Variants in ALB observed in about 807,000 individuals in gnomAD.
The protein encoded by ALB is serum albumin.
In ALB, 37 loss-of-function variants were observed where a neutral mutation model predicts 74.5. That is an observed-to-expected ratio of 0.50 (90% CI 0.38 to 0.65). The LOEUF (loss-of-function observed/expected upper bound fraction) is 0.65. ALB is among the 30% of genes least tolerant of loss of function. The pLI, the probability that ALB is intolerant of heterozygous loss-of-function variation, is 0.00. For missense variants in ALB, 685 were observed against 718.7 expected (o/e 0.95, Z 0.54); for synonymous variants, 249 against 251.6 (o/e 0.99, Z 0.10).
chr4:73,417,873 G>T, intron 11 of ALB: 1 of 696,390 alleles, frequency 1.4e-6, no homozygotes, highest in South Asian at 2.0e-5. Flanking sequence ...TTTTGAGACG[G>T]AGTCTCGCTT....
At chr4:73,406,163 G>GTC (rs1280544233) in intron 2 of ALB, among the ~76,000 whole-genome samples, 1 of 152,156 alleles carries the variant, frequency 6.6e-6, no homozygotes, top group African/African-American at 2.4e-5. Context: ...GGAGGCTGAC[G>GTC]TAGGAGGATC....
At chr4:73,407,143 G>T (rs1234557360) in intron 3 of ALB, among the ~76,000 whole-genome samples, 3 of 151,930 alleles carry the variant, frequency 2.0e-5, no homozygotes, top group Admixed American at 6.6e-5. Flanking sequence ...CTTAACATGA[G>T]ATCTACCCTG....
chr4:73,410,926 T>C (rs1718859268), intron 6 of ALB, among the ~76,000 whole-genome samples: 1 of 152,176 alleles, frequency 6.6e-6, no homozygotes, highest in Non-Finnish European at 1.5e-5. Flanking sequence ...ATAGTTAAAT[T>C]CAGTCACCAA....
At chr4:73,415,646 T>G (rs1016590474) in intron 9 of ALB, among the ~76,000 whole-genome samples, 4 of 152,096 alleles carry the variant, frequency 2.6e-5, no homozygotes, top group Non-Finnish European at 5.9e-5. Flanking sequence ...TCTGGAGGAT[T>G]TTTAGGGTTC....
At chr4:73,417,772 T>G (rs917107785) in intron 11 of ALB, 103 bp downstream of exon 11, 166 of 1,113,074 alleles carry the variant, frequency 1.5e-4, no homozygotes, top group Non-Finnish European at 2.5e-5. Context: ...TGTGTGTGTG[T>G]GCATGTTTGT....
intron 10 of ALB, 98 bp from the exon 11 acceptor site, chr4:73,417,433 G>A: frequency 1.4e-6 from 2 of 1,437,830 alleles, no homozygotes; most frequent in Non-Finnish European, 2.0e-6. Flanking sequence ...ATGGAACATA[G>A]CAACATCTTA....
In ALB at chr4:73,419,540, G is replaced by A. The variant is rs763089357; in HGVS notation, c.1686G>A (p.Lys562=). The A allele has an allele frequency of 6.2e-7, 1 of 1,613,330 alleles. No individual in the cohort carries two copies. Among genetic ancestry groups the A allele is most frequent in the South Asian group, 1.1e-5 (1 of 91,050 alleles). ...ALVELVKHKP[K]ATKEQLKAVM... ...TTGAGCTCGTGAAACACAAGCCCAA[G>A]GCAACAAAAGAGCAACTGAAAGCTG... The change falls in exon 13 of 15, where the codon AAG becomes AAA. Residue 562 remains lysine (K), a synonymous_variant. Transcript: ENST00000295897.
chr4:73,420,383 A>T (rs1265918379), intron 14 of ALB, 62 bp downstream of exon 14: 1 of 1,167,200 alleles, frequency 8.6e-7, no homozygotes, highest in Non-Finnish European at 1.2e-6. Context: ...AATAGCAAAG[A>T]TTGACCATTT....
At chr4:73,416,156 T>G in intron 9 of ALB, 100 bp from the exon 10 acceptor site, 3 of 834,176 alleles carry the variant, frequency 3.6e-6, no homozygotes, top group Admixed American at 2.0e-5. Flanking sequence ...TGGCTTTGAG[T>G]AGGAAGAAGA....
At chr4:73,417,510 C>T (rs1719042033) in intron 10 of ALB, 21 bp from the exon 11 acceptor site, 3 of 1,613,594 alleles carry the variant, frequency 1.9e-6, no homozygotes, top group South Asian at 2.2e-5. Flanking sequence ...TTGCTGAAAA[C>T]ACATGACTTC....
intron 3 of ALB, 95 bp from the exon 4 acceptor site, chr4:73,408,499 A>T: frequency 9.0e-7 from 1 of 1,110,634 alleles, no homozygotes; most frequent in Non-Finnish European, 1.3e-6. Flanking sequence ...TTTCCTGACC[A>T]AGCTTAACCA....
intron 9 of ALB, among the ~76,000 whole-genome samples, chr4:73,415,715 T>C (rs1718996268): frequency 6.6e-6 from 1 of 152,224 alleles, no homozygotes; most frequent in South Asian, 2.1e-4. Flanking sequence ...TCATTTTTCC[T>C]GCTTTCAAGA....
At chr4:73,417,294 G>A (rs1299457305) in intron 10 of ALB, among the ~76,000 whole-genome samples, 2 of 152,094 alleles carry the variant, frequency 1.3e-5, no homozygotes, top group Admixed American at 6.5e-5. Context: ...ACTGAATTAG[G>A]CAACTCACTT....
chr4:73,404,898 A>G, intron 1 of ALB: 1 of 557,696 alleles, frequency 1.8e-6, no homozygotes. Flanking sequence ...AATATTTAAT[A>G]ATTTTTAAAA....
At chr4:73,419,977 G>A (rs1364712209) in intron 13 of ALB, among the ~76,000 whole-genome samples, 1 of 152,122 alleles carries the variant, frequency 6.6e-6, no homozygotes, top group Non-Finnish European at 1.5e-5. Flanking sequence ...GGTGGTTTGT[G>A]ATTTAGTTGA....
rs1360233083 is a variant in ALB at position 73,416,296 on chromosome 4, T to C, written c.1232T>C (p.Leu411Ser). Residue 411 changes from leucine to serine, a missense_variant, in exon 10 of 15, where the codon TTA (leucine) becomes TCA (serine). Physicochemically the swap from Leu to Ser is moderately radical, Grantham distance 145. Coordinates refer to ENST00000295897, the MANE Select transcript of ALB (RefSeq NM_000477.7). The part of the protein sequence containing the change: ...FKPLVEEPQN[L>S]IKQNCELFEQ... ...CCTCTTGTGGAAGAGCCTCAGAATT[T>C]AATCAAACAAAATTGTGAGCTTTTT... is the stretch of plus-strand genomic sequence containing the variant. 3.1e-6 allele frequency: 5 copies of C among 1,613,612 alleles called. No individual in the cohort carries two copies. In the African/African-American group the frequency reaches 6.7e-5, roughly 22 times the overall value.
In ALB at chr4:73,417,541, C is replaced by T. The variant is rs78575701; in HGVS notation, c.1300C>T (p.Arg434Cys). The T allele has an allele frequency of 5.6e-6, 9 of 1,613,690 alleles. No homozygotes were observed. Among genetic ancestry groups the T allele is most frequent in the Admixed American group, 1.7e-5 (1 of 59,972 alleles). The change falls in exon 11 of 15, where the codon CGT becomes TGT. Residue 434 changes from arginine (R) to cysteine (C), a missense_variant. Physicochemically the swap from Arg to Cys is radical, Grantham distance 180 (BLOSUM62 -3). Coordinates refer to ENST00000295897, the MANE Select transcript of ALB (RefSeq NM_000477.7). Reference protein sequence around the residue: ...EYKFQNALLVRYTKKVPQVST... With the variant: ...EYKFQNALLVCYTKKVPQVST... ...ACTTCTTTTTTTCAGGCTATTAGTT[C>T]GTTACACCAAGAAAGTACCCCAAGT...
chr4:73,417,175 T>C (rs2149329275), intron 10 of ALB, among the ~76,000 whole-genome samples: 1 of 152,336 alleles, frequency 6.6e-6, no homozygotes, highest in Non-Finnish European at 1.5e-5. Flanking sequence ...GAGTCAGATA[T>C]ATTTCCTTCC....
At position 73,413,603 on chromosome 4, in the gene ALB, T is replaced by C; in HGVS notation, c.1027T>C (p.Tyr343His). Residue 343 changes from tyrosine to histidine, a missense_variant, in exon 8 of 15, where the codon TAT becomes CAT. Physicochemically the swap from Tyr to His is moderately conservative, Grantham distance 83. Coordinates refer to ENST00000295897, the MANE Select transcript of ALB (RefSeq NM_000477.7). Reference sequence around the variant, plus strand: ...TGAAAGTAAGGATGTTTGCAAAAACTATGCTGAGGCAAAGGATGTCTTCCT... The same window carrying C: ...TGAAAGTAAGGATGTTTGCAAAAACCATGCTGAGGCAAAGGATGTCTTCCT... ...FVESKDVCKNYAEAKDVFLGM... is the reference protein window; with the variant it reads ...FVESKDVCKNHAEAKDVFLGM... The C allele has an allele frequency of 6.2e-7, 1 of 1,614,174 alleles. No individual in the cohort carries two copies. Among genetic ancestry groups the C allele is most frequent in the Non-Finnish European group, 8.5e-7 (1 of 1,180,006 alleles).
Sources: gnomAD v4.1 joint callset for allele counts (sites outside exome capture counted in the v4.1 genomes callset) on GRCh38, gnomAD v4.1.1 for gene constraint, MANE v1.5 for transcripts, NCBI Gene and HGNC (gene_info 2026-07-23, HGNC 2026-07-21) for gene names.